GFRA2: variants seen among roughly 807,000 people sequenced by gnomAD.
GFRA2 encodes GDNF family receptor alpha 2, also known as GDNF family receptor alpha-2.
Under a neutral mutation model 48.3 loss-of-function variants are expected in GFRA2, and 17 were observed. The ratio of observed to expected loss-of-function variants is 0.35; its 90% CI spans 0.24 to 0.53. GFRA2 has a LOEUF of 0.53. Ranked by LOEUF, GFRA2 falls within the 20% of genes least tolerant of loss-of-function variation. The pLI is 0.93. For missense variants in GFRA2, 660 were observed against 637.3 expected (o/e 1.04, Z -0.38); for synonymous variants, 305 against 257.2 (o/e 1.19, Z -1.78).
intron 4 of GFRA2, 26 bp from the exon 5 acceptor site, chr8:21,706,067 G>T: frequency 7.0e-7 from 1 of 1,434,214 alleles, no homozygotes; most frequent in Non-Finnish European, 9.6e-7. Flanking sequence ...AGACGCAATA[G>T]AGAAAACAGG....
intron 1 of GFRA2, among the ~76,000 whole-genome samples, chr8:21,809,626 C>T (rs1807941177): frequency 6.6e-6 from 1 of 152,194 alleles, no homozygotes; most frequent in South Asian, 2.1e-4. Context: ...CGCGCCCGGC[C>T]AACAATTTGT....
intron 4 of GFRA2, among the ~76,000 whole-genome samples, chr8:21,737,379 A>G (rs534888698): frequency 2.6e-5 from 4 of 151,440 alleles, no homozygotes; most frequent in South Asian, 2.1e-4. Flanking sequence ...AAAAAAAAAA[A>G]GGGGTGGTGT....
chr8:21,722,853 C>T (rs1803672312), intron 4 of GFRA2, among the ~76,000 whole-genome samples: 1 of 152,216 alleles, frequency 6.6e-6, no homozygotes, highest in Non-Finnish European at 1.5e-5. Context: ...GCCAAGGCCT[C>T]CCCATGTAGG....
At chr8:21,744,670 A>C (rs1804914379) in intron 4 of GFRA2, among the ~76,000 whole-genome samples, 1 of 151,248 alleles carries the variant, frequency 6.6e-6, no homozygotes, top group African/African-American at 2.4e-5. Flanking sequence ...ATCTTGGCCC[A>C]CTGTGGGGGC....
chr8:21,740,272 A>G (rs1397513874), intron 4 of GFRA2, among the ~76,000 whole-genome samples: 4 of 152,156 alleles, frequency 2.6e-5, no homozygotes, highest in Admixed American at 2.0e-4. Flanking sequence ...CCAAACTGCT[A>G]TTGAGCTCTC....
At chr8:21,771,386 G>A (rs938146930) in intron 3 of GFRA2, among the ~76,000 whole-genome samples, 74 of 152,316 alleles carry the variant, frequency 4.9e-4, no homozygotes, top group African/African-American at 1.7e-3. Flanking sequence ...GGGGAGGGAA[G>A]GATATGTGGA....
At chr8:21,715,071 A>G (rs1037913469) in intron 4 of GFRA2, among the ~76,000 whole-genome samples, 13 of 152,202 alleles carry the variant, frequency 8.5e-5, no homozygotes, top group African/African-American at 3.1e-4. Context: ...TGTCACCCAC[A>G]TGGCTGCTTT....
chr8:21,702,094 G>A (rs1351860237), intron 7 of GFRA2, among the ~76,000 whole-genome samples: 1 of 152,216 alleles, frequency 6.6e-6, no homozygotes, highest in Non-Finnish European at 1.5e-5. Context: ...ATGAAATTGA[G>A]CAGTTGTCTG....
intron 7 of GFRA2, among the ~76,000 whole-genome samples, chr8:21,697,698 T>C (rs1802277466): frequency 6.6e-6 from 1 of 152,184 alleles, no homozygotes; most frequent in African/African-American, 2.4e-5. Flanking sequence ...TCATCTTGAA[T>C]TGTAGCTCCT....
intron 4 of GFRA2, among the ~76,000 whole-genome samples, chr8:21,732,272 T>G (rs1804236738): frequency 6.6e-6 from 1 of 152,202 alleles, no homozygotes; most frequent in Admixed American, 6.5e-5. Flanking sequence ...GTTGTGTCTG[T>G]CACTAAGAAG....
At chr8:21,792,309 G>A (rs1807586824), upstream of GFRA2, among the ~76,000 whole-genome samples, 1 of 152,316 alleles carries the variant, frequency 6.6e-6, no homozygotes, top group Non-Finnish European at 1.5e-5. Flanking sequence ...AAGGCTGAGG[G>A]TTCCCTGACC....
rs73669511 is a variant in GFRA2, at chr8:21,695,534, T to C, written c.1219-1017A>G. Among the ~76,000 whole-genome samples the C allele has an allele frequency of 8.4e-3, 1,272 of 152,242 alleles. 24 individuals are homozygous for C. Among genetic ancestry groups the C allele is most frequent in the African/African-American group, 0.029 (1,210 of 41,530 alleles). ...AGACGCTGGCCAAGAGTAGAGTCAC[T>C]GCCAATGGTGGAGATAGGACCACGG... On this transcript the variant is annotated intron_variant, in intron 7 of 8. Coordinates refer to ENST00000524240, the MANE Select transcript of GFRA2 (RefSeq NM_001495.5).
intron 5 of GFRA2, 47 bp downstream of exon 5, chr8:21,705,885 G>C (rs1585233038): frequency 7.8e-7 from 1 of 1,286,560 alleles, no homozygotes; most frequent in Non-Finnish European, 1.1e-6. Flanking sequence ...CTGCTGAGAT[G>C]GGGGCAGCAA....
In GFRA2 at chr8:21,788,712, A is replaced by C; in HGVS notation, c.-553T>G. 1 of 985,580 alleles carries C rather than the reference A, an allele frequency of 1.0e-6. No individual in the cohort carries two copies. Among genetic ancestry groups the C allele is most frequent in the Non-Finnish European group, 1.2e-6 (1 of 830,026 alleles). 61.1% of individuals were successfully genotyped at this position (985,580 alleles called of 1,614,324 possible). The stretch of plus-strand genomic sequence containing the variant: ...AGTCGCTTCTTTCGCACCAAGACGA[A>C]GACAAGATTCAAAAAAATCTTCTCC... On this transcript the variant is annotated 5_prime_UTR_variant, in exon 1 of 9. Transcript: ENST00000524240.
intron 3 of GFRA2, among the ~76,000 whole-genome samples, chr8:21,756,119 G>A (rs1805557246): frequency 6.6e-6 from 1 of 152,200 alleles, no homozygotes; most frequent in African/African-American, 2.4e-5. Flanking sequence ...AGCTAATTTA[G>A]GGCTGCGGCT....
intron 1 of GFRA2, among the ~76,000 whole-genome samples, chr8:21,785,864 G>C (rs1323835722): frequency 6.6e-6 from 1 of 152,124 alleles, no homozygotes; most frequent in African/African-American, 2.4e-5. Context: ...TGCCCACCAA[G>C]TCTCAAGCCC....
chr8:21,713,809 C>T (rs1177375653), intron 4 of GFRA2, among the ~76,000 whole-genome samples: 1 of 152,194 alleles, frequency 6.6e-6, no homozygotes, highest in Non-Finnish European at 1.5e-5. Flanking sequence ...GATTCTGAGG[C>T]AGGCTGAAGT....
intron 3 of GFRA2, among the ~76,000 whole-genome samples, chr8:21,755,175 C>T (rs577437881): frequency 6.6e-5 from 10 of 152,214 alleles, no homozygotes; most frequent in African/African-American, 2.4e-4. Context: ...ACCCACAGAA[C>T]GTACAACACC....
intron 4 of GFRA2, among the ~76,000 whole-genome samples, chr8:21,714,703 C>T (rs148791305): frequency 0.01 from 1,540 of 152,252 alleles, 11 homozygotes; most frequent in Non-Finnish European, 0.017. Flanking sequence ...AACAATCCCA[C>T]GAAGTAGCAT....
Sources: gnomAD v4.1 joint callset for allele counts (sites outside exome capture counted in the v4.1 genomes callset) on GRCh38, gnomAD v4.1.1 for gene constraint, MANE v1.5 for transcripts, NCBI Gene and HGNC (gene_info 2026-07-23, HGNC 2026-07-21) for gene names.